DMD: variants seen among roughly 807,000 people sequenced by gnomAD.
DMD encodes dystrophin.
In DMD, 63 loss-of-function variants were observed where a neutral mutation model predicts 330.1. The ratio of observed to expected loss-of-function variants is 0.19; its 90% CI spans 0.16 to 0.24. The LOEUF is 0.24. Ranked by LOEUF, DMD falls within the 10% of genes least tolerant of loss-of-function variation. The pLI is 1.00. For synonymous variants in DMD, 1,223 were observed against 959.8 expected (o/e 1.27, Z -5.07); for missense variants, 3,344 against 2,684.1 (o/e 1.25, Z -5.43).
At chrX:31,629,682 T>C (rs757557583) in intron 54 of DMD, among the ~76,000 whole-genome samples, 2 of 111,651 alleles carry the variant, frequency 1.8e-5, no homozygotes, top group East Asian at 5.6e-4. Flanking sequence ...TATCTTTTTA[T>C]GTATCATGCT....
intron 47 of DMD, among the ~76,000 whole-genome samples, chrX:31,909,284 G>C (rs2094517832): frequency 1.8e-5 from 2 of 111,438 alleles, no homozygotes; most frequent in South Asian, 7.4e-4. Flanking sequence ...TTTAGCTGTA[G>C]AAGTGAGGTG....
In DMD at chrX:32,390,169, C is replaced by G. The variant is rs1186095572; in HGVS notation, c.4246G>C (p.Asp1416His). The change falls in exon 31 of 79, where the codon GAT (aspartate) becomes CAT (histidine). Residue 1416 changes from aspartate to histidine, a missense_variant. Physicochemically the swap from Asp to His is moderately conservative, Grantham distance 81. Coordinates refer to ENST00000357033, the MANE Select transcript of DMD (RefSeq NM_004006.3). ...MPQEAQKIQS[D>H]LTSHEISLEE... The stretch of plus-strand genomic sequence containing the variant: ...AAACTGATCTCATGACTTGTCAAAT[C>G]AGATTGGATTTTCTGTTGGGAGGAT... 1 of 1,198,884 alleles carries G rather than the reference C, an allele frequency of 8.3e-7. No individual in the cohort carries two copies. The highest frequency in any genetic ancestry group is 1.1e-6 in the Non-Finnish European group (1 of 884,016).
intron 62 of DMD, among the ~76,000 whole-genome samples, chrX:31,299,638 T>C (rs113533503): frequency 0.099 from 10,808 of 109,340 alleles, 1,372 homozygotes; most frequent in African/African-American, 0.34. Flanking sequence ...TAGCTGGGTA[T>C]GGTGGCATGC....
intron 53 of DMD, among the ~76,000 whole-genome samples, chrX:31,662,290 T>G (rs888601892): frequency 1.8e-5 from 2 of 111,717 alleles, no homozygotes; most frequent in African/African-American, 3.3e-5. Flanking sequence ...TTAATCATCA[T>G]CAGCATCAGC....
At chrX:31,845,533 A>T (rs2093412251) in intron 48 of DMD, among the ~76,000 whole-genome samples, 1 of 109,923 alleles carries the variant, frequency 9.1e-6, no homozygotes, top group Non-Finnish European at 1.9e-5. Context: ...TTTTAAGATG[A>T]TAACTCTAGC....
intron 63 of DMD, among the ~76,000 whole-genome samples, chrX:31,245,751 A>G (rs1181388803): frequency 1.8e-5 from 2 of 111,747 alleles, no homozygotes; most frequent in African/African-American, 3.3e-5. Context: ...AACCACACCC[A>G]CATAAGATGG....
chrX:32,306,618 T>G (rs751378060), intron 42 of DMD, among the ~76,000 whole-genome samples: 30 of 111,125 alleles, frequency 2.7e-4, no homozygotes, highest in Admixed American at 2.7e-3. Flanking sequence ...TGCCTGATAT[T>G]TTTTCTTTCC....
At position 32,508,874 on chromosome X, in the gene DMD, A is replaced by G. The variant is rs771594988; in HGVS notation, c.2293-7032T>C. ...CGCCCAGGCTGGAGTGCAGTGGCGC[A>G]ATCTTGGCTCACTGCAAGCTCCGCC... is the stretch of plus-strand genomic sequence containing the variant. On this transcript the variant is annotated intron_variant, in intron 18 of 78. Coordinates refer to ENST00000357033, the MANE Select transcript of DMD (RefSeq NM_004006.3). Among the ~76,000 whole-genome samples the G allele has an allele frequency of 2.0e-3, 219 of 109,946 alleles. 1 individual carries two copies. Among genetic ancestry groups the G allele is most frequent in the Admixed American group, 5.1e-3 (53 of 10,412 alleles).
chrX:32,734,217 G>A (rs1032006888), intron 7 of DMD, among the ~76,000 whole-genome samples: 33 of 107,086 alleles, frequency 3.1e-4, no homozygotes, highest in Non-Finnish European at 5.7e-4. Flanking sequence ...AAACCAGGAA[G>A]AAGTTGAATC....
intron 65 of DMD, 43 bp downstream of exon 65, chrX:31,209,455 C>G (rs2044421874): frequency 8.6e-7 from 1 of 1,165,006 alleles, no homozygotes; most frequent in Non-Finnish European, 1.2e-6. Flanking sequence ...TACGCTAAGC[C>G]TCCTGTGACA....
In DMD at chrX:32,695,920, C is replaced by G. The variant is rs147132276; in HGVS notation, c.960+1950G>C. ...AGGAAGAACCCGCTGAGTGTAGAGGCTGAGAAAAATGTTTCATCAGTGGTA... is the reference window on the plus strand; with the variant it reads ...AGGAAGAACCCGCTGAGTGTAGAGGGTGAGAAAAATGTTTCATCAGTGGTA... On this transcript the variant is annotated intron_variant, in intron 9 of 78. Coordinates refer to ENST00000357033, the MANE Select transcript of DMD (RefSeq NM_004006.3). Among the ~76,000 whole-genome samples, 512 of 111,727 alleles carry G rather than the reference C, an allele frequency of 4.6e-3. 3 individuals carry two copies. Among genetic ancestry groups the G allele is most frequent in the Non-Finnish European group, 8.0e-3 (423 of 53,097 alleles).
At chrX:32,682,064 C>A (rs2062465322) in intron 9 of DMD, among the ~76,000 whole-genome samples, 2 of 111,452 alleles carry the variant, frequency 1.8e-5, no homozygotes, top group South Asian at 7.6e-4. Flanking sequence ...AGGTAGGATA[C>A]CTATAGGGAA....
intron 52 of DMD, among the ~76,000 whole-genome samples, chrX:31,722,922 C>T (rs1448940819): frequency 2.7e-5 from 3 of 110,132 alleles, no homozygotes; most frequent in Non-Finnish European, 3.8e-5. Context: ...ATGGTGGGAG[C>T]CTGTAATGCC....
chrX:32,458,365 A>T (rs1396748846), intron 25 of DMD, among the ~76,000 whole-genome samples: 1 of 111,873 alleles, frequency 8.9e-6, no homozygotes, highest in Non-Finnish European at 1.9e-5. Flanking sequence ...ATATTCCGTT[A>T]TATGCATATA....
intron 1 of DMD, among the ~76,000 whole-genome samples, chrX:33,033,086 GA>G (rs2094142545): frequency 9.0e-6 from 1 of 111,047 alleles, no homozygotes; most frequent in Admixed American, 9.6e-5. Context: ...ACAGTTTTGA[GA>G]GTTAATCAGG....
Position 31,622,877 on chromosome X carries a change from T to TATATATAC in DMD, c.8217+4795_8217+4796insGTATATAT, listed in dbSNP as rs1361969125. ...ATATATATATATATATATATATATA[T>TATATATAC]ACACACACACACACACACACACACA... On this transcript the variant is annotated intron_variant, in intron 55 of 78. Transcript: ENST00000357033. Among the ~76,000 whole-genome samples, 310 of 70,250 alleles carry TATATATAC rather than the reference T, an allele frequency of 4.4e-3. 2 individuals carry two copies. The highest frequency in any genetic ancestry group is 0.012 in the East Asian group (26 of 2,146). The allele number at this position is 70,250 out of a possible 115,157, so 61.0% of individuals were successfully genotyped here. A position where few individuals can be genotyped will look rare whatever the true frequency, so the allele number is the denominator to read the frequency against.
intron 1 of DMD, among the ~76,000 whole-genome samples, chrX:33,197,063 G>A (rs1017603239): frequency 1.8e-5 from 2 of 111,205 alleles, no homozygotes; most frequent in Non-Finnish European, 3.8e-5. Context: ...AGTGATGCAC[G>A]TTCCCATATA....
At chrX:31,951,774 T>C (rs749228705) in intron 45 of DMD, among the ~76,000 whole-genome samples, 1 of 111,661 alleles carries the variant, frequency 9.0e-6, no homozygotes, top group South Asian at 3.7e-4. Context: ...GTCTTTTATA[T>C]GTATCTACAT....
chrX:32,946,699 G>A (rs1275490122), intron 2 of DMD, among the ~76,000 whole-genome samples: 9 of 111,796 alleles, frequency 8.1e-5, no homozygotes, highest in Non-Finnish European at 1.1e-4. Context: ...TCCCTGCTTC[G>A]TTGACATTTT....
Sources: allele counts gnomAD v4.1 joint callset (sites outside exome capture counted in the v4.1 genomes callset), GRCh38; gene constraint gnomAD v4.1.1; transcripts MANE v1.5; gene names NCBI Gene and HGNC (gene_info 2026-07-23, HGNC 2026-07-21).